Variants in STK39 observed in about 807,000 individuals in gnomAD.
STK39 encodes STE20/SPS1-related proline-alanine-rich protein kinase.
STK39 carries 20 observed loss-of-function variants against 77.8 expected under a neutral mutation model. That is an observed-to-expected ratio of 0.26 (90% CI 0.18 to 0.37). The LOEUF (loss-of-function observed/expected upper bound fraction) is 0.37, where lower values mean the gene tolerates loss of function less well. Ranked by LOEUF, STK39 falls within the 10% of genes least tolerant of loss-of-function variation. The pLI is 1.00. For missense variants in STK39, 479 were observed against 656.5 expected (o/e 0.73, Z 2.95); for synonymous variants, 246 against 234.1 (o/e 1.05, Z -0.47).
chr2:168,018,866 G>A (rs900592273), intron 14 of STK39, among the ~76,000 whole-genome samples: 6 of 152,080 alleles, frequency 3.9e-5, no homozygotes, highest in Non-Finnish European at 5.9e-5. Flanking sequence ...TAAGAGCAAG[G>A]AGGCCCACAA....
At chr2:168,084,556 G>A (rs1686320228) in intron 10 of STK39, among the ~76,000 whole-genome samples, 1 of 152,202 alleles carries the variant, frequency 6.6e-6, no homozygotes, top group Non-Finnish European at 1.5e-5. Flanking sequence ...GGACCCTGTT[G>A]TGCAGTGACA....
intron 12 of STK39, among the ~76,000 whole-genome samples, chr2:168,066,702 A>C (rs1390592699): frequency 6.6e-6 from 1 of 152,196 alleles, no homozygotes; most frequent in Non-Finnish European, 1.5e-5. Flanking sequence ...CTGCACAATC[A>C]TCAAGATGGA....
chr2:167,968,679 A>G (rs1182122111), intron 16 of STK39, among the ~76,000 whole-genome samples: 1 of 152,206 alleles, frequency 6.6e-6, no homozygotes, highest in African/African-American at 2.4e-5. Context: ...CCAAAGAGAC[A>G]CCCTGAATAG....
chr2:168,205,146 T>C (rs1036564820), intron 1 of STK39, among the ~76,000 whole-genome samples: 1 of 152,250 alleles, frequency 6.6e-6, no homozygotes, highest in African/African-American at 2.4e-5. Context: ...TCAGTACCAA[T>C]TTTAACTTTG....
intron 2 of STK39, among the ~76,000 whole-genome samples, chr2:168,180,842 T>A (rs1689067252): frequency 6.6e-6 from 1 of 152,228 alleles, no homozygotes; most frequent in Non-Finnish European, 1.5e-5. Context: ...GGTTCTCTTC[T>A]GAGTTTTAGC....
At chr2:168,045,121 A>C (rs1389615663) in intron 14 of STK39, among the ~76,000 whole-genome samples, 1 of 152,186 alleles carries the variant, frequency 6.6e-6, no homozygotes, top group East Asian at 1.9e-4. Context: ...TAAGTGACCA[A>C]AAAAAAGTTA....
chr2:167,958,541 G>A (rs962356074), intron 17 of STK39, among the ~76,000 whole-genome samples: 3 of 151,952 alleles, frequency 2.0e-5, no homozygotes, highest in Non-Finnish European at 4.4e-5. Context: ...CCTCTTTAAT[G>A]TCTTGCTTAA....
intron 1 of STK39, among the ~76,000 whole-genome samples, chr2:168,202,189 T>G (rs1467007610): frequency 2.0e-5 from 3 of 152,190 alleles, no homozygotes; most frequent in Non-Finnish European, 4.4e-5. Flanking sequence ...CTAAACAGAA[T>G]GTCTAGGGAT....
At chr2:168,080,251 G>A (rs1559087177) in intron 10 of STK39, among the ~76,000 whole-genome samples, 2 of 152,212 alleles carry the variant, frequency 1.3e-5, no homozygotes. Flanking sequence ...TTCAAGAGGT[G>A]ACTTGGGTGC....
chr2:168,143,588 C>G (rs118014044), intron 5 of STK39, among the ~76,000 whole-genome samples: 1 of 152,182 alleles, frequency 6.6e-6, no homozygotes, highest in South Asian at 2.1e-4. Flanking sequence ...GTGGCACGCG[C>G]CTGTAGTCCC....
intron 15 of STK39, among the ~76,000 whole-genome samples, chr2:168,016,727 T>C (rs1041360835): frequency 2.0e-5 from 3 of 152,226 alleles, no homozygotes; most frequent in Non-Finnish European, 2.9e-5. Flanking sequence ...TGTGGTATGC[T>C]TCTCATCACA....
At chr2:167,993,479 G>T (rs919150180) in intron 16 of STK39, among the ~76,000 whole-genome samples, 9 of 152,200 alleles carry the variant, frequency 5.9e-5, no homozygotes, top group Non-Finnish European at 1.2e-4. Context: ...TTGAGGCCAG[G>T]AGTTCAAGGA....
intron 14 of STK39, among the ~76,000 whole-genome samples, chr2:168,056,938 A>G (rs576331099): frequency 1.3e-5 from 2 of 152,298 alleles, no homozygotes; most frequent in African/African-American, 4.8e-5. Context: ...GTATGAACAA[A>G]TTGTGTGGCA....
At chr2:168,204,174 T>C (rs571165846) in intron 1 of STK39, among the ~76,000 whole-genome samples, 336 of 152,318 alleles carry the variant, frequency 2.2e-3, no homozygotes, top group Non-Finnish European at 3.2e-3. Flanking sequence ...AAGGGACATT[T>C]ACTAAATGCC....
intron 5 of STK39, 138 bp from the exon 6 acceptor site, chr2:168,140,896 A>C: frequency 1.6e-6 from 1 of 631,210 alleles, no homozygotes; most frequent in Non-Finnish European, 2.6e-6. Flanking sequence ...GTGCTCTCTC[A>C]GGAAAAAAAA....
intron 14 of STK39, among the ~76,000 whole-genome samples, chr2:168,051,655 G>A (rs1293585501): frequency 1.3e-5 from 2 of 152,108 alleles, no homozygotes; most frequent in African/African-American, 4.8e-5. Flanking sequence ...GTCTCACTTT[G>A]TTGCCCAGGC....
At chr2:168,111,493 G>A (rs188143503) in intron 10 of STK39, among the ~76,000 whole-genome samples, 149 of 152,180 alleles carry the variant, frequency 9.8e-4, no homozygotes, top group Middle Eastern at 6.8e-3. Context: ...TCAGCCACTG[G>A]TTGTTGCTAC....
intron 1 of STK39, among the ~76,000 whole-genome samples, chr2:168,242,594 T>TATATATATATATATATATAC (rs1558894043): frequency 1.1e-5 from 1 of 93,964 alleles, no homozygotes; most frequent in African/African-American, 4.2e-5. Context: ...TATATATATA[T>TATATATATATATATATATAC]ATAAAGAGGC....
intron 13 of STK39, among the ~76,000 whole-genome samples, chr2:168,064,277 C>T (rs1685738996): frequency 6.6e-6 from 1 of 152,066 alleles, no homozygotes; most frequent in Non-Finnish European, 1.5e-5. Flanking sequence ...TATCCTAATC[C>T]CTGTTCCCGT....
Sources: gnomAD v4.1 joint callset for allele counts (sites outside exome capture counted in the v4.1 genomes callset) on GRCh38, gnomAD v4.1.1 for gene constraint, MANE v1.5 for transcripts, NCBI Gene and HGNC (gene_info 2026-07-23, HGNC 2026-07-21) for gene names.